Variants in TJP1 observed in about 807,000 individuals in gnomAD.
TJP1 encodes tight junction protein ZO-1.
Under a neutral mutation model 194.2 loss-of-function variants are expected in TJP1, and 43 were observed. That is an observed-to-expected ratio of 0.22 (90% CI 0.17 to 0.29). The LOEUF (loss-of-function observed/expected upper bound fraction) is 0.29, where lower values mean the gene tolerates loss of function less well. Among genes scored for constraint, TJP1 ranks in the 10% least tolerant of loss-of-function variants. The pLI, the probability that TJP1 is intolerant of heterozygous loss-of-function variation, is 1.00. For missense variants in TJP1, 1,971 were observed against 2,185.7 expected, an observed-to-expected ratio of 0.90 and a Z score of 1.96; for synonymous variants, 801 against 779.0, an observed-to-expected ratio of 1.03 and a Z score of -0.47.
chr15:29,853,874 C>CA (rs2152088170), intron 2 of TJP1, among the ~76,000 whole-genome samples: 1 of 152,254 alleles, frequency 6.6e-6, no homozygotes, highest in South Asian at 2.1e-4. Flanking sequence ...TTCTGCATTA[C>CA]ATGGGAATAA....
chr15:29,711,168 C>T (rs141215481), intron 23 of TJP1, among the ~76,000 whole-genome samples, 168 bp from the exon 24 acceptor site: 2 of 151,868 alleles, frequency 1.3e-5, no homozygotes, highest in African/African-American at 4.8e-5. Flanking sequence ...ACAGATTCGA[C>T]CATTCATCGG....
intron 2 of TJP1, among the ~76,000 whole-genome samples, chr15:29,954,158 T>C (rs2055856737): frequency 6.6e-6 from 1 of 152,210 alleles, no homozygotes; most frequent in Admixed American, 6.5e-5. Context: ...AGATCAATTC[T>C]TTCATGAAAT....
chr15:29,763,234 A>C (rs1430003201), intron 5 of TJP1, among the ~76,000 whole-genome samples: 1 of 152,204 alleles, frequency 6.6e-6, no homozygotes, highest in Non-Finnish European at 1.5e-5. Flanking sequence ...AGTTGAGGAA[A>C]TTACTAGCAG....
chr15:29,816,122 G>T (rs1270492496), intron 1 of TJP1, among the ~76,000 whole-genome samples: 1 of 151,992 alleles, frequency 6.6e-6, no homozygotes, highest in Non-Finnish European at 1.5e-5. Flanking sequence ...CTGCTTCCTG[G>T]GTTCAAATGA....
chr15:29,704,201 C>A lies in TJP1; in HGVS notation c.5173G>T (p.Gly1725Cys). The part of the protein sequence containing the change: ...LPHCASMTPD[G>C]WSFALKSSDS... ...GATGATTTTAGAGCAAAAGACCAACCGTCAGGAGTCATGGACGCACAGTGT... is the reference window on the plus strand; with the variant it reads ...GATGATTTTAGAGCAAAAGACCAACAGTCAGGAGTCATGGACGCACAGTGT... The change falls in exon 27 of 28, where the codon GGT becomes TGT. Residue 1725 changes from glycine (G) to cysteine (C), a missense_variant. Physicochemically the swap from Gly to Cys is radical, Grantham distance 159 (BLOSUM62 -3). Transcript: ENST00000614355. 2 of 1,579,180 alleles carry A rather than the reference C, an allele frequency of 1.3e-6. No individual in the cohort carries two copies. Among genetic ancestry groups the A allele is most frequent in the East Asian group, 2.3e-5 (1 of 43,794 alleles).
At position 29,894,780 on chromosome 15, in the gene TJP1, G is replaced by A. The variant is rs530444181; in HGVS notation, c.306+61452C>T. On this transcript the variant is annotated intron_variant, in intron 2 of 28. Transcript: ENST00000356107. The stretch of plus-strand genomic sequence containing the variant: ...TACATTCTTCAGAATCTAGGTGGGT[G>A]TATCAACACCCCTACAGCTTGTGCA... Among the ~76,000 whole-genome samples the A allele has an allele frequency of 2.0e-5, 3 of 152,316 alleles. No homozygotes were observed. The South Asian group carries it at 6.2e-4, about 32-fold the overall frequency.
chr15:29,934,092 T>C (rs1005182895), intron 2 of TJP1, among the ~76,000 whole-genome samples: 1 of 152,204 alleles, frequency 6.6e-6, no homozygotes, highest in Non-Finnish European at 1.5e-5. Flanking sequence ...AATACTGGTA[T>C]TTGGGTGAAG....
chr15:29,802,121 T>C (rs1264645504), intron 1 of TJP1, among the ~76,000 whole-genome samples: 1 of 152,122 alleles, frequency 6.6e-6, no homozygotes, highest in Non-Finnish European at 1.5e-5. Context: ...CTAAAATGTA[T>C]TTACAAGTAA....
chr15:29,941,783 A>T (rs896191774), intron 2 of TJP1, among the ~76,000 whole-genome samples: 4 of 152,088 alleles, frequency 2.6e-5, no homozygotes, highest in African/African-American at 9.7e-5. Flanking sequence ...CTAGATTGTG[A>T]CCATTTTAAA....
chr15:29,887,040 T>A (rs2053136885), intron 2 of TJP1, among the ~76,000 whole-genome samples: 1 of 151,588 alleles, frequency 6.6e-6, no homozygotes, highest in Non-Finnish European at 1.5e-5. Context: ...AGCAGAACAA[T>A]GGAACAGAGA....
intron 2 of TJP1, among the ~76,000 whole-genome samples, chr15:29,895,937 T>C (rs575432899): frequency 1.3e-5 from 2 of 152,302 alleles, no homozygotes; most frequent in African/African-American, 4.8e-5. Flanking sequence ...CTCTCTCTTA[T>C]ATAGTGCCGC....
intron 8 of TJP1, among the ~76,000 whole-genome samples, chr15:29,753,334 A>C (rs1306592441): frequency 6.6e-6 from 1 of 151,802 alleles, no homozygotes; most frequent in East Asian, 1.9e-4. Flanking sequence ...AACACAAAAA[A>C]TTAGCCAGGC....
intron 2 of TJP1, among the ~76,000 whole-genome samples, chr15:29,912,003 G>A (rs778583976): frequency 1.3e-5 from 2 of 152,218 alleles, no homozygotes; most frequent in African/African-American, 4.8e-5. Flanking sequence ...AGATACCACA[G>A]ACTGGGTGGC....
At chr15:29,710,703 T>G (rs2042186884) in intron 24 of TJP1, 128 bp downstream of exon 24, 1 of 1,190,360 alleles carries the variant, frequency 8.4e-7, no homozygotes, top group East Asian at 2.4e-5. Flanking sequence ...ATTCTTAGTT[T>G]TTACTGTTCC....
At chr15:29,906,072 TG>T (rs1336764244) in intron 2 of TJP1, among the ~76,000 whole-genome samples, 2 of 152,056 alleles carry the variant, frequency 1.3e-5, no homozygotes. Flanking sequence ...ACCGCTCTGG[TG>T]TGGATATTAA....
intron 16 of TJP1, 31 bp downstream of exon 16, chr15:29,727,900 ATAACAT>A: frequency 6.3e-7 from 1 of 1,581,020 alleles, no homozygotes; most frequent in Non-Finnish European, 8.7e-7. Context: ...CAAAACCACA[ATAACAT>A]AATGAAATGG....
At chr15:29,742,976 A>G (rs992757601) in intron 8 of TJP1, 195 bp from the exon 9 acceptor site, 6 of 408,020 alleles carry the variant, frequency 1.5e-5, no homozygotes, top group African/African-American at 1.2e-4. Flanking sequence ...TTCATGTAAT[A>G]AAATCGAAAA....
At chr15:29,877,558 TC>T (rs1481215528) in intron 2 of TJP1, among the ~76,000 whole-genome samples, 11 of 152,104 alleles carry the variant, frequency 7.2e-5, no homozygotes, top group Non-Finnish European at 7.4e-5. Flanking sequence ...TTTCTTTCTT[TC>T]TTTTTCTCTT....
intron 11 of TJP1, among the ~76,000 whole-genome samples, chr15:29,736,450 T>A (rs2044041105): frequency 6.6e-6 from 1 of 152,068 alleles, no homozygotes; most frequent in Non-Finnish European, 1.5e-5. Flanking sequence ...GAGACCAGAA[T>A]AGAGAGGCCA....
Sources: allele counts gnomAD v4.1 joint callset (sites outside exome capture counted in the v4.1 genomes callset), GRCh38; gene constraint gnomAD v4.1.1; transcripts MANE v1.5; gene names NCBI Gene and HGNC (gene_info 2026-07-23, HGNC 2026-07-21).